CMIP: variants seen among roughly 807,000 people sequenced by gnomAD.
CMIP encodes C-Maf-inducing protein.
CMIP carries 13 observed loss-of-function variants against 97.3 expected under a neutral mutation model. The ratio of observed to expected loss-of-function variants is 0.13; its 90% CI spans 0.09 to 0.21. The LOEUF is 0.21. CMIP is among the 10% of genes least tolerant of loss of function. The pLI is 1.00. For missense variants in CMIP, 847 were observed against 1,024.9 expected, an observed-to-expected ratio of 0.83 and a Z score of 2.37; for synonymous variants, 538 against 436.3, an observed-to-expected ratio of 1.23 and a Z score of -2.91.
At chr16:81,584,127 A>T (rs1376274932) in intron 1 of CMIP, among the ~76,000 whole-genome samples, 4 of 152,132 alleles carry the variant, frequency 2.6e-5, no homozygotes, top group Non-Finnish European at 5.9e-5. Flanking sequence ...GTGGCCGAGC[A>T]GTAGGCGTGG....
chr16:81,669,415 ACTTCATACCTCCTTCCACACC>A (rs2092655804), intron 7 of CMIP, among the ~76,000 whole-genome samples: 1 of 42,622 alleles, frequency 2.3e-5, no homozygotes, highest in Non-Finnish European at 4.8e-5. Context: ...TTCCACACCC[ACTTCATACCTCCTTCCACACC>A]CCTCTCACCT....
intron 2 of CMIP, 71 bp downstream of exon 2, chr16:81,607,763 T>G: frequency 6.6e-7 from 1 of 1,522,172 alleles, no homozygotes; most frequent in Non-Finnish European, 9.0e-7. Flanking sequence ...CTCGTTTCCC[T>G]TGGAGGGAGC....
chr16:81,597,087 G>A (rs1160535712), intron 1 of CMIP, among the ~76,000 whole-genome samples: 1 of 152,038 alleles, frequency 6.6e-6, no homozygotes, highest in Non-Finnish European at 1.5e-5. Flanking sequence ...TCTAGTTTGG[G>A]CTACCTAATG....
At chr16:81,667,949 T>G (rs1256891611) in intron 7 of CMIP, among the ~76,000 whole-genome samples, 2 of 151,910 alleles carry the variant, frequency 1.3e-5, no homozygotes, top group South Asian at 2.1e-4. Flanking sequence ...AAGCTCCCCC[T>G]GCACTGTCTC....
At chr16:81,541,617 A>C (rs942343424) in intron 1 of CMIP, among the ~76,000 whole-genome samples, 1 of 152,240 alleles carries the variant, frequency 6.6e-6, no homozygotes, top group African/African-American at 2.4e-5. Flanking sequence ...ATGAGCGTGA[A>C]GAGAGAACGG....
chr16:81,705,417 CT>C, intron 18 of CMIP, 81 bp from the exon 19 acceptor site: 1 of 1,035,482 alleles, frequency 9.7e-7, no homozygotes. Flanking sequence ...GTCCCCATCC[CT>C]TTCCTCCACC....
intron 1 of CMIP, among the ~76,000 whole-genome samples, chr16:81,571,157 T>C (rs953066261): frequency 6.6e-6 from 1 of 152,134 alleles, no homozygotes; most frequent in African/African-American, 2.4e-5. Flanking sequence ...GAAGCTATTC[T>C]CAAAAATAAA....
intron 1 of CMIP, among the ~76,000 whole-genome samples, chr16:81,503,657 A>C (rs372660699): frequency 6.6e-6 from 1 of 152,196 alleles, no homozygotes; most frequent in Non-Finnish European, 1.5e-5. Context: ...CTGGCCTCCC[A>C]AGGTGCTGGG....
At chr16:81,483,106 A>C (rs1006088574) in intron 1 of CMIP, among the ~76,000 whole-genome samples, 4 of 152,180 alleles carry the variant, frequency 2.6e-5, no homozygotes, top group Non-Finnish European at 5.9e-5. Flanking sequence ...ACGAGGGAGG[A>C]CAGAAGTATT....
At chr16:81,686,161 T>C (rs2151070973) in intron 10 of CMIP, among the ~76,000 whole-genome samples, 1 of 152,352 alleles carries the variant, frequency 6.6e-6, no homozygotes, top group Non-Finnish European at 1.5e-5. Context: ...CAGCAGGCGC[T>C]GCAGACGAGG....
At chr16:81,561,361 G>T (rs1277487146) in intron 1 of CMIP, among the ~76,000 whole-genome samples, 1 of 152,148 alleles carries the variant, frequency 6.6e-6, no homozygotes, top group East Asian at 1.9e-4. Flanking sequence ...CTGGGTTCAG[G>T]GACAACATTG....
intron 3 of CMIP, among the ~76,000 whole-genome samples, chr16:81,625,292 G>A (rs555156630): frequency 6.6e-6 from 1 of 152,388 alleles, no homozygotes; most frequent in South Asian, 2.1e-4. Flanking sequence ...CAGTCCTGAG[G>A]GCCCCTGGGG....
intron 1 of CMIP, among the ~76,000 whole-genome samples, chr16:81,539,511 T>C (rs2090408886): frequency 6.6e-6 from 1 of 152,224 alleles, no homozygotes; most frequent in South Asian, 2.1e-4. Flanking sequence ...GAATCCTTCA[T>C]GCTTCGCTGT....
intron 2 of CMIP, among the ~76,000 whole-genome samples, chr16:81,611,016 C>T (rs975628772): frequency 9.2e-5 from 14 of 152,124 alleles, no homozygotes; most frequent in African/African-American, 3.1e-4. Flanking sequence ...CCTTAGTGCT[C>T]CTAGTCAGCA....
Position 81,495,456 on chromosome 16 carries a change from C to T in CMIP, c.300+49915C>T, listed in dbSNP as rs764797759. On this transcript the variant is annotated intron_variant, in intron 1 of 20. Transcript: ENST00000537098. ...TGCGAGGAGGGAAGTTACAGATCTC[C>T]GCCCTGGCGTCCGGGGAAGGATGGG... 74 of 1,611,928 alleles carry T rather than the reference C, an allele frequency of 4.6e-5. No homozygotes were observed. In the South Asian group the frequency reaches 6.0e-4, roughly 13 times the overall value.
intron 1 of CMIP, among the ~76,000 whole-genome samples, chr16:81,448,737 A>G (rs1298497898): frequency 1.3e-5 from 2 of 152,244 alleles, no homozygotes; most frequent in Non-Finnish European, 2.9e-5. Context: ...TCGTAAACAA[A>G]GGAGGAAGCA....
chr16:81,520,518 TAGTG>T (rs2089998706), intron 1 of CMIP: 2 of 122,082 alleles, frequency 1.6e-5, no homozygotes, highest in African/African-American at 6.5e-5. Flanking sequence ...TTGGGCAAGA[TAGTG>T]AGACCCCATC....
rs1905742925 is a variant in CMIP, at chr16:81,445,102, TG to T, written c.-139del. ...CCCCCGCGGGCAGCGCCCCCTCCCC[TG>T]CGGGCGCCCCCAGCCCCACACCCCC... On this transcript the variant is annotated 5_prime_UTR_variant, in exon 1 of 21. Transcript: ENST00000537098. 3.1e-6 allele frequency: 1 copy of T among 324,130 alleles called. No individual in the cohort carries two copies. The highest frequency in any genetic ancestry group is 5.4e-6 in the Non-Finnish European group (1 of 183,652). The allele number at this position is 324,130 out of a possible 1,614,324, so 20.1% of individuals were successfully genotyped here.
intron 2 of CMIP, among the ~76,000 whole-genome samples, chr16:81,615,504 T>TG (rs1158406282): frequency 6.7e-6 from 1 of 150,242 alleles, no homozygotes; most frequent in Non-Finnish European, 1.5e-5. Context: ...GTGGTGTGTG[T>TG]GTCTGTGTGC....
Sources: gnomAD v4.1 joint callset for allele counts (sites outside exome capture counted in the v4.1 genomes callset) on GRCh38, gnomAD v4.1.1 for gene constraint, MANE v1.5 for transcripts, NCBI Gene and HGNC (gene_info 2026-07-23, HGNC 2026-07-21) for gene names.